The following GRIP1 variants were observed in gnomAD, a reference collection of about 807,000 sequenced individuals.
The protein encoded by GRIP1 is glutamate receptor interacting protein 1.
Under a neutral mutation model 129.9 loss-of-function variants are expected in GRIP1, and 45 were observed. The observed-to-expected ratio is 0.35, with a 90% CI of 0.27 to 0.44. GRIP1 has a LOEUF of 0.44. Among genes scored for constraint, GRIP1 ranks in the 20% least tolerant of loss-of-function variants. The pLI is 1.00. For missense variants in GRIP1, 1,196 were observed against 1,396.8 expected (o/e 0.86, Z 2.29); for synonymous variants, 530 against 520.8 (o/e 1.02, Z -0.24).
At chr12:66,413,987 T>C (rs1424878521) in intron 15 of GRIP1, among the ~76,000 whole-genome samples, 1 of 151,948 alleles carries the variant, frequency 6.6e-6, no homozygotes, top group Admixed American at 6.6e-5. Context: ...CCATAGCCAA[T>C]ATCATACCGA....
chr12:67,035,518 T>A (rs2043082398), intron 1 of GRIP1: 1 of 152,224 alleles, frequency 6.6e-6, no homozygotes, highest in South Asian at 2.1e-4. Context: ...GAGGTATGTT[T>A]GGATGGGAAC....
At chr12:67,009,202 G>C (rs997334658) in intron 1 of GRIP1, among the ~76,000 whole-genome samples, 11 of 152,036 alleles carry the variant, frequency 7.2e-5, no homozygotes, top group Non-Finnish European at 1.2e-4. Flanking sequence ...TGTTTCCCCT[G>C]GGAATCAAGC....
intron 1 of GRIP1, among the ~76,000 whole-genome samples, chr12:66,831,236 T>C (rs180952648): frequency 6.6e-5 from 10 of 152,300 alleles, no homozygotes; most frequent in South Asian, 4.1e-4. Context: ...TATGTAGAAA[T>C]GCACAATAAG....
intron 1 of GRIP1, among the ~76,000 whole-genome samples, chr12:67,047,620 T>C (rs530869760): frequency 1.6e-4 from 25 of 152,336 alleles, no homozygotes; most frequent in African/African-American, 5.8e-4. Context: ...TTAATATTTA[T>C]TGAATAACTA....
chr12:66,445,269 C>A, intron 12 of GRIP1, 53 bp downstream of exon 12: 1 of 1,361,978 alleles, frequency 7.3e-7, no homozygotes, highest in Non-Finnish European at 1.1e-6. Flanking sequence ...TCAAAGATAG[C>A]AGGTACCAGA....
intron 11 of GRIP1, among the ~76,000 whole-genome samples, chr12:66,450,679 T>C (rs2058766927): frequency 6.6e-6 from 1 of 152,082 alleles, no homozygotes; most frequent in South Asian, 2.1e-4. Flanking sequence ...TAATTAACTC[T>C]GAAAGTCTTC....
At chr12:67,018,253 A>G (rs1245572272) in intron 1 of GRIP1, among the ~76,000 whole-genome samples, 1 of 151,860 alleles carries the variant, frequency 6.6e-6, no homozygotes, top group East Asian at 1.9e-4. Context: ...GCTTTCCCAG[A>G]TCTCCCTCTC....
chr12:66,463,237 A>G (rs545001467), intron 8 of GRIP1, 144 bp from the exon 9 acceptor site: 1 of 723,598 alleles, frequency 1.4e-6, no homozygotes, highest in East Asian at 2.7e-5. Context: ...AGGAAACACC[A>G]TCTGCCAAAT....
At chr12:66,899,412 G>A (rs2137263260) in intron 1 of GRIP1, among the ~76,000 whole-genome samples, 1 of 152,162 alleles carries the variant, frequency 6.6e-6, no homozygotes, top group South Asian at 2.1e-4. Flanking sequence ...CACCCAGGCA[G>A]GAATGCAGTG....
chr12:66,647,806 T>C (rs760545531), intron 1 of GRIP1, among the ~76,000 whole-genome samples: 6 of 152,192 alleles, frequency 3.9e-5, no homozygotes, highest in Non-Finnish European at 7.3e-5. Context: ...CAGTATGAAT[T>C]AATTACTATT....
At chr12:66,897,628 G>C (rs2040772696) in intron 1 of GRIP1, among the ~76,000 whole-genome samples, 1 of 152,180 alleles carries the variant, frequency 6.6e-6, no homozygotes, top group Non-Finnish European at 1.5e-5. Flanking sequence ...TCTCTAAATA[G>C]AGATTTTCAC....
chr12:66,549,402 G>A (rs74316484), intron 2 of GRIP1, among the ~76,000 whole-genome samples: 133 of 152,148 alleles, frequency 8.7e-4, no homozygotes, highest in East Asian at 7.5e-3. Flanking sequence ...ATTAGGGCAC[G>A]CACCAGAATA....
chr12:66,700,180 G>A (rs934424287), intron 1 of GRIP1, among the ~76,000 whole-genome samples: 1 of 152,182 alleles, frequency 6.6e-6, no homozygotes, highest in Non-Finnish European at 1.5e-5. Flanking sequence ...AATAAAGTTA[G>A]AGAAAAGGGG....
Position 66,348,267 on chromosome 12 carries a change from ATAAC to A in GRIP1, c.*748_*751del, listed in dbSNP as rs376924032. The A allele has an allele frequency of 6.6e-6, 1 of 152,098 alleles. No homozygotes were observed. The highest frequency in any genetic ancestry group is 2.4e-5 in the African/African-American group (1 of 41,502). The allele number at this position is 152,098 out of a possible 1,614,324, so 9.4% of individuals were successfully genotyped here. ...TCTTGAATTTTAAAAATAAGATAAT[ATAAC>A]TAATTCTCATGTTTACTACACACTC... On this transcript the variant is annotated 3_prime_UTR_variant, in exon 25 of 25. Transcript: ENST00000359742.
chr12:66,408,401 C>T lies in GRIP1; in HGVS notation c.1839-1973G>A, dbSNP rs1403553346. The stretch of plus-strand genomic sequence containing the variant: ...GGCTGAGGCAGGAGAATCACTTGAA[C>T]CTGGGAGGTGCAGGTTGCAGTGAGC... On this transcript the variant is annotated intron_variant, in intron 15 of 24. Coordinates refer to ENST00000359742, the MANE Select transcript of GRIP1 (RefSeq NM_001366722.1). Among the ~76,000 whole-genome samples the T allele has an allele frequency of 2.6e-5, 4 of 152,284 alleles. 2 individuals carry two copies. The highest frequency in any genetic ancestry group is 2.6e-4 in the Admixed American group (4 of 15,300).
At chr12:66,533,087 A>G (rs2061503377) in intron 4 of GRIP1, among the ~76,000 whole-genome samples, 1 of 152,222 alleles carries the variant, frequency 6.6e-6, no homozygotes. Flanking sequence ...GCTTATGATA[A>G]TTTTAGGTGT....
At chr12:67,023,469 T>C (rs2042896913) in intron 1 of GRIP1, among the ~76,000 whole-genome samples, 1 of 152,214 alleles carries the variant, frequency 6.6e-6, no homozygotes, top group South Asian at 2.1e-4. Flanking sequence ...GGATTCTCCA[T>C]TCTGTTCCTT....
intron 1 of GRIP1, among the ~76,000 whole-genome samples, chr12:66,710,129 T>C (rs1381852623): frequency 6.6e-6 from 1 of 151,910 alleles, no homozygotes; most frequent in Non-Finnish European, 1.5e-5. Context: ...ACTATATTCA[T>C]TGGAAAGGAG....
intron 1 of GRIP1, among the ~76,000 whole-genome samples, chr12:66,980,411 G>T (rs143987006): frequency 8.9e-4 from 136 of 152,244 alleles, no homozygotes; most frequent in African/African-American, 3.1e-3. Context: ...AAGAGATCGA[G>T]ACCATCCTGG....
Sources: allele counts gnomAD v4.1 joint callset (sites outside exome capture counted in the v4.1 genomes callset), GRCh38; gene constraint gnomAD v4.1.1; transcripts MANE v1.5; gene names NCBI Gene and HGNC (gene_info 2026-07-23, HGNC 2026-07-21).